Variants in C1QTNF2 observed in about 807,000 individuals in gnomAD.
C1QTNF2 encodes the protein complement C1q tumor necrosis factor-related protein 2.
C1QTNF2 carries 15 observed loss-of-function variants against 17.4 expected under a neutral mutation model. The observed-to-expected ratio is 0.86, with a 90% CI of 0.58 to 1.33. The LOEUF (loss-of-function observed/expected upper bound fraction) is 1.33. Among genes scored for constraint, C1QTNF2 ranks in the 40% most tolerant of loss-of-function variants. The pLI is 0.00. For missense variants in C1QTNF2, 381 were observed against 392.3 expected, an observed-to-expected ratio of 0.97 and a Z score of 0.24; for synonymous variants, 154 against 163.3, an observed-to-expected ratio of 0.94 and a Z score of 0.44.
At chr5:160,352,700 G>A (rs1258831948) in intron 2 of C1QTNF2, among the ~76,000 whole-genome samples, 1 of 152,218 alleles carries the variant, frequency 6.6e-6, no homozygotes, top group East Asian at 1.9e-4. Context: ...GCCGTGGTCA[G>A]GAAATTGGAT....
chr5:160,348,890 T>G lies in C1QTNF2; in HGVS notation c.*278A>C. 1 of 374,932 alleles carries G rather than the reference T, an allele frequency of 2.7e-6. No homozygotes were observed. Among genetic ancestry groups the G allele is most frequent in the Non-Finnish European group, 4.8e-6 (1 of 209,338 alleles). The allele number at this position is 374,932 out of a possible 1,614,324, so 23.2% of individuals were successfully genotyped here. A position where few individuals can be genotyped will look rare whatever the true frequency, so the allele number is the denominator to read the frequency against. ...ATCTCCTGCTAGAATGTAAGCTGCA[T>G]GAGGACAGATACTCTGTCTTGTCCA... On this transcript the variant is annotated 3_prime_UTR_variant, in exon 3 of 3. Transcript: ENST00000652664.
At chr5:160,351,216 A>C (rs1392211214) in intron 2 of C1QTNF2, among the ~76,000 whole-genome samples, 2 of 152,242 alleles carry the variant, frequency 1.3e-5, no homozygotes, top group Admixed American at 1.3e-4. Context: ...CATAAAATGC[A>C]CATTTCTCTC....
rs149894588 is a variant in C1QTNF2, at chr5:160,367,872, C to G, written c.-10+2640G>C. Among the ~76,000 whole-genome samples, 272 of 152,336 alleles carry G rather than the reference C, an allele frequency of 1.8e-3. 2 individuals carry two copies. The highest frequency in any genetic ancestry group is 6.2e-3 in the African/African-American group (257 of 41,578). On this transcript the variant is annotated intron_variant, in intron 1 of 2. Coordinates refer to ENST00000652664, the MANE Select transcript of C1QTNF2 (RefSeq NM_031908.6). Reference sequence around the variant, plus strand: ...AATCTAGAGGAAAAGAGTAATGATTCTCCATGTATGTTGTGTGTTCTTATT... The same window carrying G: ...AATCTAGAGGAAAAGAGTAATGATTGTCCATGTATGTTGTGTGTTCTTATT...
chr5:160,367,123 G>A (rs1300041139), intron 1 of C1QTNF2, among the ~76,000 whole-genome samples: 1 of 152,030 alleles, frequency 6.6e-6, no homozygotes, highest in African/African-American at 2.4e-5. Flanking sequence ...GGAAATTATA[G>A]CCTAGACAAG....
chr5:160,355,177 G>A (rs1430716826), intron 1 of C1QTNF2, 157 bp from the exon 2 acceptor site: 4 of 978,288 alleles, frequency 4.1e-6, no homozygotes, highest in Non-Finnish European at 4.9e-6. Context: ...ATGTGATGTG[G>A]ACAGAGTCGT....
Position 160,354,597 on chromosome 5 carries a change from AGTATAT to A in C1QTNF2, c.244+165_244+170del, listed in dbSNP as rs1477253379. 1.1e-3 allele frequency among the ~76,000 whole-genome samples: 96 copies of A among 89,266 alleles called. 1 individual carries two copies. The highest frequency in any genetic ancestry group is 5.3e-3 in the South Asian group (12 of 2,276). 58.6% of individuals were successfully genotyped at this position (89,266 alleles called of 152,430 possible). ...CTGTCTCAAGGGGAAAAAAAAAAAA[AGTATAT>A]ATATATATATATATATATATATATA... On this transcript the variant is annotated intron_variant, in intron 2 of 2. Transcript: ENST00000652664.
At position 160,370,622 on chromosome 5, in the gene C1QTNF2, G is replaced by A. The variant is rs368666217; in HGVS notation, c.-120C>T. On this transcript the variant is annotated 5_prime_UTR_variant, in exon 1 of 3. Coordinates refer to ENST00000652664, the MANE Select transcript of C1QTNF2 (RefSeq NM_031908.6). ...GCAGCCGGGCAGAGCGTCGGCCCCA[G>A]GCATAGTTTTCCCATCCCGTCATGG... is the stretch of plus-strand genomic sequence containing the variant. The A allele has an allele frequency of 2.4e-5, 34 of 1,445,270 alleles. No homozygotes were observed. The African/African-American group carries it at 4.8e-4, about 20-fold the overall frequency. 89.5% of individuals were successfully genotyped at this position (1,445,270 alleles called of 1,614,324 possible).
chr5:160,351,594 T>C, intron 2 of C1QTNF2, among the ~76,000 whole-genome samples: 1 of 152,186 alleles, frequency 6.6e-6, no homozygotes, highest in African/African-American at 2.4e-5. Context: ...TGACAATGCC[T>C]GGTATTATTA....
intron 1 of C1QTNF2, among the ~76,000 whole-genome samples, chr5:160,362,640 G>A (rs1301357635): frequency 1.3e-5 from 2 of 152,092 alleles, no homozygotes; most frequent in South Asian, 2.1e-4. Context: ...CCAGCCCACC[G>A]GTATTATTAT....
rs761209993 is a variant in C1QTNF2, at chr5:160,354,930, G to T, written c.82C>A (p.Arg28=). 2.1e-5 allele frequency: 33 copies of T among 1,598,234 alleles called. No homozygotes were observed. The highest frequency in any genetic ancestry group is 2.8e-5 in the Non-Finnish European group (33 of 1,172,956). The change falls in exon 2 of 3, where the codon CGG becomes AGG. Residue 28 remains arginine (R), a synonymous_variant. Coordinates refer to ENST00000652664, the MANE Select transcript of C1QTNF2 (RefSeq NM_031908.6). ...LLGAFARRDF[R]KGSPQLVCSL... is the part of the protein sequence containing the mutation. ...CAGACCAGTTGAGGGGAGCCTTTCCGGAAGTCCCTGCGAGCAAAGGCGCCA... is the reference window on the plus strand; with the variant it reads ...CAGACCAGTTGAGGGGAGCCTTTCCTGAAGTCCCTGCGAGCAAAGGCGCCA...
At position 160,349,642 on chromosome 5, in the gene C1QTNF2, G is replaced by C. The variant is rs1763876242; in HGVS notation, c.384C>G (p.Pro128=). The C allele has an allele frequency of 6.2e-7, 1 of 1,613,458 alleles. No individual in the cohort carries two copies. The highest frequency in any genetic ancestry group is 8.5e-7 in the Non-Finnish European group (1 of 1,179,968). Reference sequence around the variant, plus strand: ...GGCCTGGCTCCCCCTTCTTGCCCTTGGGCCCCTTCTTGCCTGGTGTGCCAT... The same window carrying C: ...GGCCTGGCTCCCCCTTCTTGCCCTTCGGCCCCTTCTTGCCTGGTGTGCCAT... ...GKHGTPGKKG[P]KGKKGEPGLP... Residue 128 remains proline (P), a synonymous_variant, in exon 3 of 3, where the codon CCC becomes CCG. Transcript: ENST00000652664. This position sits in a 1 kb window ranked among gnomAD's most constrained non-coding sequence, Gnocchi z 4.3.
chr5:160,349,057 G>A lies in C1QTNF2; in HGVS notation c.*111C>T. 5 of 1,361,848 alleles carry A rather than the reference G, an allele frequency of 3.7e-6. No individual in the cohort carries two copies. In the South Asian group the frequency reaches 7.1e-5, roughly 19 times the overall value. 84.4% of individuals were successfully genotyped at this position (1,361,848 alleles called of 1,614,324 possible). ...AAAGAGGCAGAGGAGGTGAGCCTGA[G>A]GCTAGAACCGCTCACTCGACCCCCC... On this transcript the variant is annotated 3_prime_UTR_variant, in exon 3 of 3. Transcript: ENST00000652664. The surrounding 1 kb of genome is among the most constrained non-coding windows in gnomAD (Gnocchi z 4.3).
At chr5:160,368,138 T>A (rs1357811194) in intron 1 of C1QTNF2, among the ~76,000 whole-genome samples, 1 of 152,162 alleles carries the variant, frequency 6.6e-6, no homozygotes, top group South Asian at 2.1e-4. Flanking sequence ...TATGCGCATG[T>A]GTATGTGTGT....
chr5:160,353,089 G>T (rs143396551), intron 2 of C1QTNF2, among the ~76,000 whole-genome samples: 62 of 152,168 alleles, frequency 4.1e-4, no homozygotes, highest in African/African-American at 1.5e-3. Flanking sequence ...ACGTTCTTGC[G>T]AGGATGACAT....
chr5:160,354,094 G>A (rs1008009913), intron 2 of C1QTNF2, among the ~76,000 whole-genome samples: 1 of 152,112 alleles, frequency 6.6e-6, no homozygotes, highest in African/African-American at 2.4e-5. Context: ...GTGAGCCACC[G>A]CGCCTGGCCT....
intron 1 of C1QTNF2, among the ~76,000 whole-genome samples, chr5:160,357,255 G>T (rs1367537441): frequency 6.6e-6 from 1 of 152,238 alleles, no homozygotes; most frequent in African/African-American, 2.4e-5. Context: ...GGAAATTGAG[G>T]TGTGGGTTGC....
intron 2 of C1QTNF2, among the ~76,000 whole-genome samples, chr5:160,351,475 T>C (rs1763921230): frequency 6.6e-6 from 1 of 152,258 alleles, no homozygotes; most frequent in Non-Finnish European, 1.5e-5. Flanking sequence ...AGTTAATCTG[T>C]AATGCATCTG....
In C1QTNF2 at chr5:160,370,548, G is replaced by C; in HGVS notation, c.-46C>G. 1 of 1,487,210 alleles carries C rather than the reference G, an allele frequency of 6.7e-7. No homozygotes were observed. Among genetic ancestry groups the C allele is most frequent in the Non-Finnish European group, 8.9e-7 (1 of 1,125,866 alleles). 92.1% of individuals were successfully genotyped at this position (1,487,210 alleles called of 1,614,324 possible). ...CCCGCCACGTCCAGGGGCGTCCGGA[G>C]CAAAGAAGCTCTCGGCGGGGCTCCG... On this transcript the variant is annotated 5_prime_UTR_variant, in exon 1 of 3. Transcript: ENST00000652664.
chr5:160,359,952 C>G (rs1008117608), intron 1 of C1QTNF2, among the ~76,000 whole-genome samples: 1 of 152,250 alleles, frequency 6.6e-6, no homozygotes, highest in South Asian at 2.1e-4. Context: ...CAGCACCCAC[C>G]CCCCCTACCT....
Sources: gnomAD v4.1 joint callset for allele counts (sites outside exome capture counted in the v4.1 genomes callset) on GRCh38, gnomAD v4.1.1 for gene constraint, Gnocchi (gnomAD v3.1) non-coding constraint, MANE v1.5 for transcripts, NCBI Gene and HGNC (gene_info 2026-07-23, HGNC 2026-07-21) for gene names.